Variants in RBM6 observed in about 807,000 individuals in gnomAD.
RBM6 encodes the protein RNA binding motif protein 6.
Under a neutral mutation model 140.4 loss-of-function variants are expected in RBM6, and 23 were observed. That is an observed-to-expected ratio of 0.16 (90% CI 0.12 to 0.23). The LOEUF (loss-of-function observed/expected upper bound fraction) is 0.23. Among genes scored for constraint, RBM6 ranks in the 10% least tolerant of loss-of-function variants. RBM6 has a pLI of 1.00. For missense variants in RBM6, 1,139 were observed against 1,386.7 expected, an observed-to-expected ratio of 0.82 and a Z score of 2.84; for synonymous variants, 439 against 475.6, an observed-to-expected ratio of 0.92 and a Z score of 1.00.
At chr3:50,063,954 C>T (rs1417912368) in intron 15 of RBM6, among the ~76,000 whole-genome samples, 4 of 151,606 alleles carry the variant, frequency 2.6e-5, no homozygotes, top group Non-Finnish European at 4.4e-5. Context: ...TCTTTTGAGA[C>T]GGAGCCGCTC....
rs531886910 is a variant in RBM6 at position 49,958,079 on chromosome 3, C to T, written c.-66-4497C>T. Among the ~76,000 whole-genome samples the T allele has an allele frequency of 1.7e-4, 26 of 152,190 alleles. 1 individual carries two copies. The South Asian group carries it at 2.1e-3, about 12-fold the overall frequency. ...ACTCCTGACCTCAGGTGTGAGCCAC[C>T]GCACCTGGCCGAGATCTTTATTTCT... On this transcript the variant is annotated intron_variant, in intron 1 of 20. Coordinates refer to ENST00000266022, the MANE Select transcript of RBM6 (RefSeq NM_005777.3).
chr3:50,053,139 TGAG>T lies in RBM6; in HGVS notation c.1633-1192_1633-1190del, dbSNP rs201294144. On this transcript the variant is annotated intron_variant, in intron 7 of 20. Coordinates refer to ENST00000266022, the MANE Select transcript of RBM6 (RefSeq NM_005777.3). ...GGCCTCAGTTTCCTCATCTACAAAA[TGAG>T]GAGATAAGAGTACCCATTTCATGAA... Among the ~76,000 whole-genome samples the T allele has an allele frequency of 7.0e-3, 1,060 of 151,994 alleles. 16 individuals are homozygous for T. Among genetic ancestry groups the T allele is most frequent in the African/African-American group, 0.024 (1,008 of 41,432 alleles).
intron 6 of RBM6, among the ~76,000 whole-genome samples, 198 bp from the exon 7 acceptor site, chr3:50,048,047 C>T (rs773132096): frequency 5.9e-5 from 9 of 152,204 alleles, no homozygotes; most frequent in Non-Finnish European, 1.2e-4. Context: ...CTCGTACTCC[C>T]CTTTCCTAAG....
chr3:50,068,660 C>T (rs2090192933), intron 17 of RBM6, 30 bp from the exon 18 acceptor site: 1 of 1,603,214 alleles, frequency 6.2e-7, no homozygotes, highest in Non-Finnish European at 8.5e-7. Flanking sequence ...TTTCTTAGAC[C>T]TATACTCATA....
At chr3:49,970,077 A>T (rs550824636) in intron 3 of RBM6, among the ~76,000 whole-genome samples, 2 of 151,764 alleles carry the variant, frequency 1.3e-5, no homozygotes, top group South Asian at 4.2e-4. Flanking sequence ...AGTAGTTGGG[A>T]CTGTAGTTGT....
chr3:50,005,307 G>A (rs1319496430), intron 6 of RBM6, among the ~76,000 whole-genome samples: 1 of 152,038 alleles, frequency 6.6e-6, no homozygotes, highest in East Asian at 1.9e-4. Flanking sequence ...TCCAGCCTGG[G>A]TAACATAGCA....
intron 6 of RBM6, among the ~76,000 whole-genome samples, chr3:50,035,021 TCCCTC>T (rs1179649995): frequency 2.3e-5 from 1 of 44,208 alleles, no homozygotes; most frequent in Non-Finnish European, 4.5e-5. Context: ...CCTCTCATCT[TCCCTC>T]CCCTCCCCTC....
chr3:49,979,781 T>C (rs2108666951), intron 5 of RBM6, among the ~76,000 whole-genome samples: 1 of 152,250 alleles, frequency 6.6e-6, no homozygotes, highest in East Asian at 1.9e-4. Context: ...TATATGTGTA[T>C]GTGTGATTTC....
At chr3:50,046,377 C>T (rs1420695892) in intron 6 of RBM6, among the ~76,000 whole-genome samples, 1 of 151,560 alleles carries the variant, frequency 6.6e-6, no homozygotes, top group Admixed American at 6.6e-5. Context: ...GTTGGGAATT[C>T]GAGACCAGCC....
chr3:50,018,919 G>A (rs974039295), intron 6 of RBM6, among the ~76,000 whole-genome samples: 3 of 152,022 alleles, frequency 2.0e-5, no homozygotes, highest in Non-Finnish European at 4.4e-5. Context: ...GTAAGAAACT[G>A]TCAAACAGTT....
chr3:49,961,978 A>G (rs1359388513), intron 1 of RBM6, among the ~76,000 whole-genome samples: 2 of 151,424 alleles, frequency 1.3e-5, no homozygotes, highest in African/African-American at 4.9e-5. Context: ...TAACACAGTG[A>G]AAACCCGTCT....
chr3:50,033,671 G>C (rs2088321518), intron 6 of RBM6, among the ~76,000 whole-genome samples: 2 of 151,994 alleles, frequency 1.3e-5, no homozygotes, highest in Non-Finnish European at 2.9e-5. Context: ...TTTTGAGATG[G>C]AGTCTCGCTC....
intron 5 of RBM6, among the ~76,000 whole-genome samples, chr3:49,999,037 C>CTT (rs59944289): frequency 6.7e-5 from 9 of 134,912 alleles, no homozygotes; most frequent in Non-Finnish European, 9.7e-5. Context: ...CTCGGGATAC[C>CTT]TTTTTTTTTT....
chr3:49,964,065 T>G (rs1342316783), intron 2 of RBM6, among the ~76,000 whole-genome samples: 3 of 152,062 alleles, frequency 2.0e-5, no homozygotes, highest in African/African-American at 7.2e-5. Flanking sequence ...CATGCCTGGC[T>G]AATTATTGTA....
intron 1 of RBM6, among the ~76,000 whole-genome samples, chr3:49,947,742 T>G (rs1342360707): frequency 1.3e-5 from 2 of 152,210 alleles, no homozygotes. Flanking sequence ...GTTAATTTTT[T>G]ATATATTTTT....
At chr3:49,971,921 T>C in intron 3 of RBM6, 138 bp from the exon 4 acceptor site, 1 of 637,780 alleles carries the variant, frequency 1.6e-6, no homozygotes, top group South Asian at 2.1e-5. Context: ...CTCAGAACAA[T>C]AGAGAAAATT....
At chr3:50,066,568 C>A in intron 17 of RBM6, 66 bp downstream of exon 17, 1 of 1,554,590 alleles carries the variant, frequency 6.4e-7, no homozygotes, top group Non-Finnish European at 8.7e-7. Flanking sequence ...TGGCTCATGC[C>A]TGTAATCCTA....
chr3:50,013,049 G>C (rs946529156), intron 6 of RBM6, among the ~76,000 whole-genome samples: 3 of 152,066 alleles, frequency 2.0e-5, no homozygotes, highest in African/African-American at 7.2e-5. Flanking sequence ...GGCCCACCCA[G>C]ATTCTTCTTA....
chr3:50,017,412 G>A (rs1333851849), intron 6 of RBM6, among the ~76,000 whole-genome samples: 1 of 152,086 alleles, frequency 6.6e-6, no homozygotes, highest in Admixed American at 6.6e-5. Context: ...AAAAAAATTA[G>A]CTGGGTGTGG....
Sources: allele counts gnomAD v4.1 joint callset (sites outside exome capture counted in the v4.1 genomes callset), GRCh38; gene constraint gnomAD v4.1.1; transcripts MANE v1.5; gene names NCBI Gene and HGNC (gene_info 2026-07-23, HGNC 2026-07-21).